Variants in AFAP1L1 observed in about 807,000 individuals in gnomAD.
The protein encoded by AFAP1L1 is actin filament-associated protein 1-like 1.
Under a neutral mutation model 99.8 loss-of-function variants are expected in AFAP1L1, and 77 were observed. The observed-to-expected ratio is 0.77, with a 90% CI of 0.64 to 0.93. The LOEUF (loss-of-function observed/expected upper bound fraction) is 0.93, where lower values mean the gene tolerates loss of function less well. AFAP1L1 is among the 40% of genes least tolerant of loss of function. The pLI is 0.00. For synonymous variants in AFAP1L1, 373 were observed against 395.3 expected (o/e 0.94, Z 0.67); for missense variants, 893 against 996.8 (o/e 0.90, Z 1.40).
rs1329321404 is a variant in AFAP1L1 at position 149,320,299 on chromosome 5, T to C, written c.1626-92T>C. 7.9e-6 allele frequency: 10 copies of C among 1,266,160 alleles called. No homozygotes were observed. In the African/African-American group the frequency reaches 1.3e-4, roughly 17 times the overall value. 78.4% of individuals were successfully genotyped at this position (1,266,160 alleles called of 1,614,324 possible). ...TCTTCTGATCTGCCTTAAGAGTTTC[T>C]GCCAGAATCAATGAGAGTGAGGACA... is the stretch of plus-strand genomic sequence containing the variant. On this transcript the variant is annotated intron_variant, in intron 13 of 18. Transcript: ENST00000296721. The surrounding 1 kb of genome is among the most constrained non-coding windows in gnomAD (Gnocchi z 4.0).
At chr5:149,339,116 C>T (rs1561689589) in intron 18 of AFAP1L1, among the ~76,000 whole-genome samples, 1 of 151,240 alleles carries the variant, frequency 6.6e-6, no homozygotes, top group African/African-American at 2.4e-5. Flanking sequence ...CTGCCATTGT[C>T]GCATGAAAAT....
chr5:149,334,388 A>G (rs999183831), intron 17 of AFAP1L1, among the ~76,000 whole-genome samples: 2 of 152,226 alleles, frequency 1.3e-5, no homozygotes, highest in East Asian at 1.9e-4. Context: ...TCCCACCAGC[A>G]TGACCTGATA....
intron 3 of AFAP1L1, 30 bp downstream of exon 3, chr5:149,300,384 G>T: frequency 6.3e-7 from 1 of 1,588,960 alleles, no homozygotes; most frequent in East Asian, 2.3e-5. Context: ...CCTCAGCTAC[G>T]GAGCCATCCC....
In AFAP1L1 at chr5:149,305,029, CTG is replaced by C. The variant is rs377139258; in HGVS notation, c.437-1270_437-1269del. Among the ~76,000 whole-genome samples the C allele has an allele frequency of 1.2e-4, 18 of 152,342 alleles. 1 individual carries two copies. Among genetic ancestry groups the C allele is most frequent in the African/African-American group, 4.1e-4 (17 of 41,588 alleles). ...TGATCCAGGCTCTGTCACCAGCAAA[CTG>C]TGTGTGGCTTGCTTCCTTGTCTACA... On this transcript the variant is annotated intron_variant, in intron 5 of 18. Coordinates refer to ENST00000296721, the MANE Select transcript of AFAP1L1 (RefSeq NM_152406.4).
rs1756198002 is a variant in AFAP1L1 at position 149,301,195 on chromosome 5, A to G, written c.292A>G (p.Ser98Gly). Residue 98 changes from serine (S) to glycine (G), a missense_variant, in exon 4 of 19, where the codon AGC (serine) becomes GGC (glycine). Ser to Gly is a moderately conservative substitution (Grantham distance 56, BLOSUM62 0). Coordinates refer to ENST00000296721, the MANE Select transcript of AFAP1L1 (RefSeq NM_152406.4). ...EDDGEPSKGA[S>G]PELAKSPRLR... ...TGATGGGGAGCCCAGCAAAGGAGCC[A>G]GCCCTGAGCTAGCCAAGAGCCCACG... 1 of 1,613,958 alleles carries G rather than the reference A, an allele frequency of 6.2e-7. No individual in the cohort carries two copies. The highest frequency in any genetic ancestry group is 1.3e-5 in the African/African-American group (1 of 74,912).
At chr5:149,300,923 T>C (rs144037816) in intron 3 of AFAP1L1, among the ~76,000 whole-genome samples, 1 of 152,328 alleles carries the variant, frequency 6.6e-6, no homozygotes, top group African/African-American at 2.4e-5. Flanking sequence ...TGATCCTCTC[T>C]ACAATCCTGG....
chr5:149,292,931 T>A (rs1367581546), intron 1 of AFAP1L1, among the ~76,000 whole-genome samples: 1 of 152,152 alleles, frequency 6.6e-6, no homozygotes, highest in Non-Finnish European at 1.5e-5. Flanking sequence ...AGATATTGTC[T>A]CCTCACCTTG....
chr5:149,338,365 G>A (rs1459966183), intron 18 of AFAP1L1, among the ~76,000 whole-genome samples: 1 of 152,204 alleles, frequency 6.6e-6, no homozygotes, highest in African/African-American at 2.4e-5. Flanking sequence ...CATAGGCTGA[G>A]GTGGGAGGAT....
chr5:149,273,388 G>A (rs193080741), intron 1 of AFAP1L1, among the ~76,000 whole-genome samples: 1 of 152,072 alleles, frequency 6.6e-6, no homozygotes, highest in Non-Finnish European at 1.5e-5. Flanking sequence ...GGATGAGCCG[G>A]GAGCAGGTGT....
intron 6 of AFAP1L1, 134 bp downstream of exon 6, chr5:149,306,538 A>C: frequency 2.6e-6 from 2 of 781,682 alleles, no homozygotes; most frequent in Non-Finnish European, 2.0e-6. Flanking sequence ...AGGCCCCAAC[A>C]CCCTTGTTTT....
At chr5:149,331,836 T>C (rs547157651) in intron 16 of AFAP1L1, among the ~76,000 whole-genome samples, 1 of 152,256 alleles carries the variant, frequency 6.6e-6, no homozygotes, top group African/African-American at 2.4e-5. Flanking sequence ...ACACTCATGC[T>C]TCTACCCTTC....
intron 1 of AFAP1L1, among the ~76,000 whole-genome samples, chr5:149,290,609 C>T (rs1755821503): frequency 6.6e-6 from 1 of 152,138 alleles, no homozygotes; most frequent in African/African-American, 2.4e-5. Context: ...AATTGGCAGC[C>T]GTATTCATGT....
At chr5:149,339,884 G>T in intron 18 of AFAP1L1, 123 bp from the exon 19 acceptor site, 1 of 950,192 alleles carries the variant, frequency 1.1e-6, no homozygotes, top group Non-Finnish European at 1.6e-6. Context: ...GAGAGAGGGG[G>T]TTAGAACCCA....
Position 149,317,887 on chromosome 5 carries a change from C to T in AFAP1L1, c.1426C>T (p.His476Tyr), listed in dbSNP as rs781391759. The T allele has an allele frequency of 2.5e-6, 4 of 1,597,678 alleles. No homozygotes were observed. In the Admixed American group the frequency reaches 5.2e-5, roughly 21 times the overall value. ...GGTGGCCCCGGGCTTTGGGCCCCGACACCCATTTGCCTTCAGGATCCTGCG... is the reference window on the plus strand; with the variant it reads ...GGTGGCCCCGGGCTTTGGGCCCCGATACCCATTTGCCTTCAGGATCCTGCG... ...CEVAPGFGPR[H>Y]PFAFRILRNR... Residue 476 changes from histidine (H) to tyrosine (Y), a missense_variant, in exon 12 of 19, where the codon CAC (histidine) becomes TAC (tyrosine). His to Tyr is a moderately conservative substitution (Grantham distance 83, BLOSUM62 2). Transcript: ENST00000296721.
intron 1 of AFAP1L1, among the ~76,000 whole-genome samples, chr5:149,296,401 A>C (rs957862769): frequency 1.3e-5 from 2 of 152,212 alleles, no homozygotes; most frequent in Non-Finnish European, 2.9e-5. Flanking sequence ...TATAGGGATA[A>C]ACAGCCCAGT....
intron 4 of AFAP1L1, among the ~76,000 whole-genome samples, chr5:149,301,486 G>GT (rs1234121749): frequency 2.6e-5 from 4 of 152,070 alleles, no homozygotes. Flanking sequence ...AAGTCACAGT[G>GT]TTTGTGCTGA....
Position 149,281,624 on chromosome 5 carries a change from C to T in AFAP1L1, c.16+9640C>T, listed in dbSNP as rs184682993. On this transcript the variant is annotated intron_variant, in intron 1 of 18. Coordinates refer to ENST00000296721, the MANE Select transcript of AFAP1L1 (RefSeq NM_152406.4). The stretch of plus-strand genomic sequence containing the variant: ...TTATTGCTGAAAGCCCACCATGACT[C>T]AGTAGATACTGTCATATTCCCATTT... Among the ~76,000 whole-genome samples, 23 of 152,342 alleles carry T rather than the reference C, an allele frequency of 1.5e-4. No homozygotes were observed. In the East Asian group the frequency reaches 3.1e-3, roughly 20 times the overall value.
chr5:149,276,109 A>G (rs530447620), intron 1 of AFAP1L1, among the ~76,000 whole-genome samples: 1 of 152,326 alleles, frequency 6.6e-6, no homozygotes, highest in South Asian at 2.1e-4. Context: ...GTGGCAGGTG[A>G]CCTGCCCAAG....
chr5:149,302,503 C>T lies in AFAP1L1; in HGVS notation c.413C>T (p.Ser138Leu), dbSNP rs769529262. 14 of 1,586,988 alleles carry T rather than the reference C, an allele frequency of 8.8e-6. No homozygotes were observed. The highest frequency in any genetic ancestry group is 6.8e-5 in the East Asian group (3 of 43,910). The change falls in exon 5 of 19, where the codon TCG becomes TTG. Residue 138 changes from serine (S) to leucine (L), a missense_variant. By Grantham distance (145) the Ser-to-Leu change is moderately radical. Transcript: ENST00000296721. Reference protein sequence around the residue: ...EEALPLGPGKSPEYISSHNGC... With the variant: ...EEALPLGPGKLPEYISSHNGC... ...GCCCTTCCTCTGGGACCCGGCAAGT[C>T]GCCTGAGTACATCAGCTCCCACAGT... is the stretch of plus-strand genomic sequence containing the variant.
Sources: allele counts gnomAD v4.1 joint callset (sites outside exome capture counted in the v4.1 genomes callset), GRCh38; gene constraint gnomAD v4.1.1; non-coding constraint Gnocchi (gnomAD v3.1); transcripts MANE v1.5; gene names NCBI Gene and HGNC (gene_info 2026-07-23, HGNC 2026-07-21).